The following ARHGAP15 variants were observed in gnomAD, a reference collection of about 807,000 sequenced individuals.
ARHGAP15 encodes the protein Rho GTPase activating protein 15.
ARHGAP15 carries 51 observed loss-of-function variants against 63.7 expected under a neutral mutation model. The observed-to-expected ratio is 0.80, with a 90% CI of 0.64 to 1.01. The LOEUF is 1.01. Ranked by LOEUF, ARHGAP15 falls within the 50% of genes least tolerant of loss-of-function variation. The pLI is 0.00. For synonymous variants in ARHGAP15, 191 were observed against 193.8 expected, an observed-to-expected ratio of 0.99 and a Z score of 0.12; for missense variants, 560 against 564.6, an observed-to-expected ratio of 0.99 and a Z score of 0.08.
At chr2:143,234,548 A>G (rs1693566680) in intron 5 of ARHGAP15, among the ~76,000 whole-genome samples, 1 of 152,162 alleles carries the variant, frequency 6.6e-6, no homozygotes, top group Non-Finnish European at 1.5e-5. Flanking sequence ...CTCTCCAATT[A>G]TGTCTACATA....
intron 13 of ARHGAP15, among the ~76,000 whole-genome samples, chr2:143,730,831 G>C (rs1221033497): frequency 6.7e-6 from 1 of 149,372 alleles, no homozygotes; most frequent in African/African-American, 2.5e-5. Flanking sequence ...GTGTGGGAAG[G>C]GGTTGGTTTT....
chr2:143,702,948 T>C (rs765065896), intron 12 of ARHGAP15, among the ~76,000 whole-genome samples: 47 of 152,188 alleles, frequency 3.1e-4, no homozygotes, highest in Non-Finnish European at 5.9e-4. Flanking sequence ...AAGTCCCTTT[T>C]GCCATGTGAG....
At chr2:143,221,277 CTT>C (rs1482751806) in intron 4 of ARHGAP15, among the ~76,000 whole-genome samples, 1 of 151,710 alleles carries the variant, frequency 6.6e-6, no homozygotes, top group Non-Finnish European at 1.5e-5. Flanking sequence ...TGTATTTTCT[CTT>C]TCTCTCAAAG....
At chr2:143,531,495 G>C (rs932046316) in intron 10 of ARHGAP15, among the ~76,000 whole-genome samples, 6 of 152,084 alleles carry the variant, frequency 3.9e-5, no homozygotes, top group Non-Finnish European at 7.4e-5. Context: ...GTAAATAGCA[G>C]GTTTATAGGG....
chr2:143,628,767 C>G (rs1480319337), intron 12 of ARHGAP15, among the ~76,000 whole-genome samples: 1 of 152,196 alleles, frequency 6.6e-6, no homozygotes, highest in South Asian at 2.1e-4. Flanking sequence ...TTGTCTGCAT[C>G]AAATTAATTC....
chr2:143,259,205 A>C (rs1012880861), intron 6 of ARHGAP15, among the ~76,000 whole-genome samples: 2 of 152,142 alleles, frequency 1.3e-5, no homozygotes, highest in African/African-American at 2.4e-5. Context: ...GGGTGGCAGA[A>C]AATTATGTGA....
intron 13 of ARHGAP15, among the ~76,000 whole-genome samples, chr2:143,740,385 A>G (rs539322638): frequency 1.2e-4 from 19 of 152,370 alleles, no homozygotes; most frequent in African/African-American, 4.3e-4. Flanking sequence ...TGTGACAGGT[A>G]GAAATGTAGT....
chr2:143,712,224 G>A (rs1016235620), intron 13 of ARHGAP15, among the ~76,000 whole-genome samples: 3 of 152,146 alleles, frequency 2.0e-5, no homozygotes, highest in Non-Finnish European at 2.9e-5. Context: ...CATGCGAGAG[G>A]TTAGGAAGAC....
chr2:143,506,474 T>C (rs902661479), intron 9 of ARHGAP15, among the ~76,000 whole-genome samples: 1 of 152,170 alleles, frequency 6.6e-6, no homozygotes, highest in East Asian at 1.9e-4. Context: ...GTAAGTTATA[T>C]AATTGAGCAT....
chr2:143,142,302 A>G (rs550706680), intron 1 of ARHGAP15, among the ~76,000 whole-genome samples: 9 of 152,118 alleles, frequency 5.9e-5, no homozygotes, highest in Admixed American at 1.3e-4. Context: ...TAACTTCTGT[A>G]TATGCAATAA....
intron 8 of ARHGAP15, among the ~76,000 whole-genome samples, chr2:143,481,752 G>A (rs1019505470): frequency 2.6e-5 from 4 of 152,154 alleles, no homozygotes; most frequent in African/African-American, 9.7e-5. Context: ...GCTGTGTCAG[G>A]TATAACACTT....
intron 6 of ARHGAP15, among the ~76,000 whole-genome samples, chr2:143,320,330 A>G (rs1683948100): frequency 6.6e-6 from 1 of 151,138 alleles, no homozygotes; most frequent in Non-Finnish European, 1.5e-5. Flanking sequence ...TCCATGACAT[A>G]ATGTCAGCCC....
At chr2:143,476,011 A>G (rs1691798488) in intron 8 of ARHGAP15, among the ~76,000 whole-genome samples, 3 of 152,330 alleles carry the variant, frequency 2.0e-5, no homozygotes, top group African/African-American at 7.2e-5. Context: ...TGTTTTTATC[A>G]AAAGTGACTC....
chr2:143,568,870 G>A (rs1696339482), intron 11 of ARHGAP15, among the ~76,000 whole-genome samples: 1 of 152,180 alleles, frequency 6.6e-6, no homozygotes, highest in Admixed American at 6.5e-5. Context: ...GCAGGGACAT[G>A]GATGAAACTG....
intron 12 of ARHGAP15, among the ~76,000 whole-genome samples, chr2:143,688,237 G>A (rs1294519350): frequency 6.6e-6 from 1 of 152,012 alleles, no homozygotes; most frequent in Admixed American, 6.6e-5. Flanking sequence ...ATACAAAGCA[G>A]GTTTACCAAG....
At chr2:143,711,879 A>G (rs1217355463) in intron 13 of ARHGAP15, among the ~76,000 whole-genome samples, 3 of 152,206 alleles carry the variant, frequency 2.0e-5, no homozygotes, top group Admixed American at 6.5e-5. Context: ...ACAGTGACCT[A>G]TGATTTTGCC....
intron 13 of ARHGAP15, 198 bp downstream of exon 13, chr2:143,703,722 A>G: frequency 2.1e-6 from 1 of 472,822 alleles, no homozygotes; most frequent in Non-Finnish European, 3.7e-6. Flanking sequence ...AACTTCTGAA[A>G]TAACTTATTT....
intron 4 of ARHGAP15, among the ~76,000 whole-genome samples, chr2:143,227,731 T>C (rs756904967): frequency 6.6e-6 from 1 of 152,182 alleles, no homozygotes; most frequent in African/African-American, 2.4e-5. Flanking sequence ...TTATATGCAA[T>C]TTATTTAACC....
chr2:143,727,912 TAATTA>T (rs1469471883), intron 13 of ARHGAP15, among the ~76,000 whole-genome samples: 1 of 152,268 alleles, frequency 6.6e-6, no homozygotes, highest in Admixed American at 6.5e-5. Flanking sequence ...GTTTGTTTTA[TAATTA>T]AAGTTATGGA....
Sources: allele counts gnomAD v4.1 joint callset (sites outside exome capture counted in the v4.1 genomes callset), GRCh38; gene constraint gnomAD v4.1.1; transcripts MANE v1.5; gene names NCBI Gene and HGNC (gene_info 2026-07-23, HGNC 2026-07-21).